ASTN2: variants seen among roughly 807,000 people sequenced by gnomAD.
ASTN2 encodes the protein astrotactin-2.
ASTN2 carries 54 observed loss-of-function variants against 139.8 expected under a neutral mutation model. The observed-to-expected ratio is 0.39, with a 90% confidence interval of 0.31 to 0.48. ASTN2 has a LOEUF of 0.48. Ranked by LOEUF, ASTN2 falls within the 20% of genes least tolerant of loss-of-function variation. The probability of loss-of-function intolerance (pLI) is 0.95; values close to 1 mark genes in which losing one functional copy is unlikely to be tolerated. For missense variants in ASTN2, 1,565 were observed against 1,725.1 expected (o/e 0.91, Z 1.64); for synonymous variants, 756 against 719.5 (o/e 1.05, Z -0.81).
At chr9:116,467,560 C>G (rs887817587) in intron 20 of ASTN2, among the ~76,000 whole-genome samples, 8 of 152,214 alleles carry the variant, frequency 5.3e-5, no homozygotes, top group Non-Finnish European at 1.0e-4. Flanking sequence ...CCACTGCACC[C>G]GGCCGAGACA....
intron 16 of ASTN2, among the ~76,000 whole-genome samples, chr9:116,678,220 A>G (rs1192363460): frequency 1.3e-5 from 2 of 152,158 alleles, no homozygotes; most frequent in East Asian, 1.9e-4. Context: ...AAATTGTTCA[A>G]CTTACCTACT....
At chr9:117,356,077 G>A (rs999656187) in intron 1 of ASTN2, among the ~76,000 whole-genome samples, 10 of 151,996 alleles carry the variant, frequency 6.6e-5, no homozygotes, top group African/African-American at 9.7e-5. Flanking sequence ...ATTCATTGCC[G>A]TCATCCCCAT....
chr9:117,121,696 G>T (rs929162238), intron 4 of ASTN2, among the ~76,000 whole-genome samples: 1 of 152,172 alleles, frequency 6.6e-6, no homozygotes, highest in African/African-American at 2.4e-5. Context: ...ATCTGAGACG[G>T]ACTAATTCAT....
intron 17 of ASTN2, among the ~76,000 whole-genome samples, chr9:116,621,336 A>G (rs1856135836): frequency 6.6e-6 from 1 of 152,092 alleles, no homozygotes; most frequent in African/African-American, 2.4e-5. Flanking sequence ...TGAGGGCCAC[A>G]GTTTTCTGAC....
At chr9:116,469,306 G>GT (rs150197612) in intron 20 of ASTN2, among the ~76,000 whole-genome samples, 5,366 of 150,184 alleles carry the variant, frequency 0.036, 311 homozygotes, top group African/African-American at 0.12. Flanking sequence ...CTCTCAAGTG[G>GT]TTTTTTTTTT....
intron 6 of ASTN2, among the ~76,000 whole-genome samples, chr9:117,023,858 C>A (rs1213532284): frequency 6.6e-6 from 1 of 152,040 alleles, no homozygotes; most frequent in Non-Finnish European, 1.5e-5. Context: ...AGGATGGGGA[C>A]TGAAATAGGA....
chr9:117,108,042 A>G (rs1829150763), intron 4 of ASTN2, among the ~76,000 whole-genome samples: 17 of 152,210 alleles, frequency 1.1e-4, no homozygotes. Context: ...AAGCAACAGG[A>G]CTAAACATTT....
intron 19 of ASTN2, among the ~76,000 whole-genome samples, chr9:116,586,847 C>CACACACAT (rs1854178085): frequency 1.5e-5 from 2 of 133,184 alleles, no homozygotes; most frequent in African/African-American, 5.5e-5. Flanking sequence ...CACACACACA[C>CACACACAT]ACACACACAC....
intron 11 of ASTN2, among the ~76,000 whole-genome samples, chr9:116,840,313 T>C (rs1030871952): frequency 2.0e-5 from 3 of 151,308 alleles, no homozygotes; most frequent in African/African-American, 7.3e-5. Flanking sequence ...GATTTCTCAA[T>C]CTTTTCCTCA....
intron 7 of ASTN2, among the ~76,000 whole-genome samples, chr9:116,979,761 G>A (rs558695014): frequency 6.6e-6 from 1 of 152,188 alleles, no homozygotes; most frequent in Admixed American, 6.5e-5. Context: ...GGGCCAACAA[G>A]GAGGATCCCT....
rs905546772 is a variant in ASTN2 at position 116,423,124 on chromosome 9, A to T, written c.*2727T>A. On this transcript the variant is annotated 3_prime_UTR_variant, in exon 23 of 23. Coordinates refer to ENST00000313400, the MANE Select transcript of ASTN2 (RefSeq NM_001365068.1). ...TAGCTGACAGAGCTGAAAATCATTA[A>T]TTCTTTCTTTTAATCAGAATTCTCT... Among the ~76,000 whole-genome samples the T allele has an allele frequency of 2.6e-5, 4 of 152,116 alleles. No individual in the cohort carries two copies. The highest frequency in any genetic ancestry group is 9.7e-5 in the African/African-American group (4 of 41,422).
intron 7 of ASTN2, among the ~76,000 whole-genome samples, chr9:116,995,311 C>T (rs1218673117): frequency 6.6e-6 from 1 of 152,178 alleles, no homozygotes; most frequent in Non-Finnish European, 1.5e-5. Context: ...AATGGAAATG[C>T]TCTTTGTATT....
intron 5 of ASTN2, among the ~76,000 whole-genome samples, chr9:117,077,854 C>A (rs1828321861): frequency 6.6e-6 from 1 of 152,202 alleles, no homozygotes; most frequent in South Asian, 2.1e-4. Flanking sequence ...GGCCCTTCAT[C>A]CAATGTTTGG....
Position 116,847,047 on chromosome 9 carries a change from A to G in ASTN2, c.2040+16536T>C, listed in dbSNP as rs1053809569. 1.1e-4 allele frequency among the ~76,000 whole-genome samples: 16 copies of G among 149,624 alleles called. No homozygotes were observed. In the East Asian group the frequency reaches 2.9e-3, roughly 27 times the overall value. On this transcript the variant is annotated intron_variant, in intron 11 of 22. Coordinates refer to ENST00000313400, the MANE Select transcript of ASTN2 (RefSeq NM_001365068.1). Reference sequence around the variant, plus strand: ...AAAAACAAAAAACAAAAAACAAAAAACAAAAAAAAACATATATTCTAATGG... The same window carrying G: ...AAAAACAAAAAACAAAAAACAAAAAGCAAAAAAAAACATATATTCTAATGG...
intron 4 of ASTN2, among the ~76,000 whole-genome samples, chr9:117,104,399 A>G (rs1297001496): frequency 6.6e-6 from 1 of 152,182 alleles, no homozygotes; most frequent in Non-Finnish European, 1.5e-5. Flanking sequence ...GCAGAGAAGA[A>G]TACAAAGAGG....
chr9:116,880,129 T>C (rs538664554), intron 10 of ASTN2, among the ~76,000 whole-genome samples: 1 of 152,314 alleles, frequency 6.6e-6, no homozygotes, highest in South Asian at 2.1e-4. Flanking sequence ...CAATATGATA[T>C]AAAACTATAA....
At chr9:117,266,284 GC>G (rs1433497085) in intron 2 of ASTN2, among the ~76,000 whole-genome samples, 1 of 151,790 alleles carries the variant, frequency 6.6e-6, no homozygotes, top group African/African-American at 2.4e-5. Flanking sequence ...CGCCTACAAA[GC>G]AAAAAGGAAG....
intron 10 of ASTN2, among the ~76,000 whole-genome samples, chr9:116,966,425 G>A (rs763450922): frequency 6.6e-6 from 1 of 152,132 alleles, no homozygotes; most frequent in Non-Finnish European, 1.5e-5. Context: ...CTGACAGTTG[G>A]TGCATGCTAC....
In ASTN2 at chr9:116,922,342, A is replaced by G. The variant is rs185402948; in HGVS notation, c.1889+52866T>C. On this transcript the variant is annotated intron_variant, in intron 10 of 22. Transcript: ENST00000313400. The stretch of plus-strand genomic sequence containing the variant: ...GTTATGATTAATTTTATATATTGCT[A>G]CAATGCCAGATTCATAATGAGTTTT... Among the ~76,000 whole-genome samples, 165 of 152,336 alleles carry G rather than the reference A, an allele frequency of 1.1e-3. 1 individual carries two copies. The highest frequency in any genetic ancestry group is 3.8e-3 in the African/African-American group (158 of 41,580).
Sources: allele counts gnomAD v4.1 joint callset (sites outside exome capture counted in the v4.1 genomes callset), GRCh38; gene constraint gnomAD v4.1.1; transcripts MANE v1.5; gene names NCBI Gene and HGNC (gene_info 2026-07-23, HGNC 2026-07-21).